MDGA2: variants seen among roughly 807,000 people sequenced by gnomAD.
The protein encoded by MDGA2 is MAM domain containing glycosylphosphatidylinositol anchor 2, also known as MAM domain-containing glycosylphosphatidylinositol anchor protein 2.
Under a neutral mutation model 117.8 loss-of-function variants are expected in MDGA2, and 40 were observed. That is an observed-to-expected ratio of 0.34 (90% CI 0.26 to 0.44). The LOEUF is 0.44. Ranked by LOEUF, MDGA2 falls within the 20% of genes least tolerant of loss-of-function variation. MDGA2 has a pLI of 1.00. For missense variants in MDGA2, 1,123 were observed against 1,250.6 expected, an observed-to-expected ratio of 0.90 and a Z score of 1.54; for synonymous variants, 452 against 439.0, an observed-to-expected ratio of 1.03 and a Z score of -0.37.
At chr14:47,646,725 C>A (rs1017127950) in intron 1 of MDGA2, among the ~76,000 whole-genome samples, 1 of 152,192 alleles carries the variant, frequency 6.6e-6, no homozygotes, top group South Asian at 2.1e-4. Flanking sequence ...CAACCCTTAG[C>A]GTAAAATATG....
chr14:47,097,480 C>T (rs1013136890), intron 5 of MDGA2, among the ~76,000 whole-genome samples: 1 of 151,832 alleles, frequency 6.6e-6, no homozygotes, highest in Non-Finnish European at 1.5e-5. Context: ...ATTCCCAGTA[C>T]AGATACTGCA....
chr14:46,867,448 C>T lies in MDGA2; in HGVS notation c.2752+5985G>A, dbSNP rs549321941. 2.5e-4 allele frequency among the ~76,000 whole-genome samples: 38 copies of T among 149,760 alleles called. No homozygotes were observed. The South Asian group carries it at 6.0e-3, about 24-fold the overall frequency. On this transcript the variant is annotated intron_variant, in intron 14 of 16. Coordinates refer to ENST00000399232, the MANE Select transcript of MDGA2 (RefSeq NM_001113498.3). Reference sequence around the variant, plus strand: ...GGGAGATATACCTAATGCTAGATGACGAGTTAGTGGGTGCAGCGCACCAGC... The same window carrying T: ...GGGAGATATACCTAATGCTAGATGATGAGTTAGTGGGTGCAGCGCACCAGC...
chr14:47,168,523 A>G (rs567298148), intron 3 of MDGA2, among the ~76,000 whole-genome samples: 1 of 152,140 alleles, frequency 6.6e-6, no homozygotes. Context: ...CTTTTCCCCT[A>G]ACTACCTGTC....
At chr14:47,424,251 G>A (rs768709911) in intron 1 of MDGA2, among the ~76,000 whole-genome samples, 11 of 152,026 alleles carry the variant, frequency 7.2e-5, no homozygotes, top group Admixed American at 2.0e-4. Flanking sequence ...AGAAACCGTC[G>A]TCTCTACAAA....
intron 1 of MDGA2, among the ~76,000 whole-genome samples, chr14:47,429,778 A>T (rs925548006): frequency 6.6e-6 from 1 of 151,860 alleles, no homozygotes; most frequent in Non-Finnish European, 1.5e-5. Context: ...GAGAAACAAG[A>T]TTTGTATTTT....
At chr14:47,503,979 T>C (rs571520173) in intron 1 of MDGA2, among the ~76,000 whole-genome samples, 19 of 152,290 alleles carry the variant, frequency 1.2e-4, no homozygotes, top group Admixed American at 2.6e-4. Flanking sequence ...GTACCAAAAA[T>C]AGATGTACAA....
chr14:47,494,327 C>G (rs1594885740), intron 1 of MDGA2, among the ~76,000 whole-genome samples: 1 of 152,118 alleles, frequency 6.6e-6, no homozygotes, highest in Non-Finnish European at 1.5e-5. Context: ...CTTAATCTTC[C>G]TGAAACTCAT....
intron 1 of MDGA2, among the ~76,000 whole-genome samples, chr14:47,527,998 T>C (rs185763713): frequency 1.1e-3 from 169 of 152,346 alleles, no homozygotes; most frequent in East Asian, 9.6e-4. Context: ...CAGAAAATGC[T>C]GGCAAGAGCA....
At chr14:47,174,260 A>G (rs1468251877) in intron 3 of MDGA2, among the ~76,000 whole-genome samples, 1 of 152,152 alleles carries the variant, frequency 6.6e-6, no homozygotes, top group Admixed American at 6.5e-5. Context: ...GTTAACAAGG[A>G]TACCCAGGAA....
At chr14:47,149,258 C>G (rs558685248) in intron 3 of MDGA2, among the ~76,000 whole-genome samples, 4 of 152,190 alleles carry the variant, frequency 2.6e-5, no homozygotes, top group African/African-American at 7.2e-5. Flanking sequence ...CCACTGCACT[C>G]CAACCTGGGG....
At position 47,214,001 on chromosome 14, in the gene MDGA2, G is replaced by C. The variant is rs1455262545; in HGVS notation, c.595+4020C>G. On this transcript the variant is annotated intron_variant, in intron 3 of 16. Transcript: ENST00000399232. Reference sequence around the variant, plus strand: ...GTAGCCAGCTTCTTCACAAGGAAAAGTACCGAGCGAAGAGGGGGGTAAAGA... The same window carrying C: ...GTAGCCAGCTTCTTCACAAGGAAAACTACCGAGCGAAGAGGGGGGTAAAGA... Among the ~76,000 whole-genome samples the C allele has an allele frequency of 2.6e-5, 4 of 152,142 alleles. No individual in the cohort carries two copies. In the East Asian group the frequency reaches 7.7e-4, roughly 29 times the overall value.
intron 8 of MDGA2, among the ~76,000 whole-genome samples, chr14:46,990,893 C>T (rs996943204): frequency 2.0e-5 from 3 of 146,460 alleles, no homozygotes; most frequent in African/African-American, 7.9e-5. Context: ...CACACACACA[C>T]ACACACACCC....
chr14:47,331,940 AT>A (rs1229393389), intron 1 of MDGA2, among the ~76,000 whole-genome samples: 1 of 152,030 alleles, frequency 6.6e-6, no homozygotes, highest in East Asian at 1.9e-4. Flanking sequence ...ACGTACGAAC[AT>A]TTTGGCATAA....
chr14:47,233,584 TC>T (rs1435457295), intron 2 of MDGA2, among the ~76,000 whole-genome samples: 2 of 152,078 alleles, frequency 1.3e-5, no homozygotes, highest in African/African-American at 4.8e-5. Flanking sequence ...GTAAGGTGGG[TC>T]ATTAAAGCAA....
rs539621607 is a variant in MDGA2 at position 47,646,658 on chromosome 14, A to G, written c.280+27859T>C. Among the ~76,000 whole-genome samples the G allele has an allele frequency of 7.2e-5, 11 of 152,336 alleles. No homozygotes were observed. In the South Asian group the frequency reaches 2.3e-3, roughly 32 times the overall value. ...AGAATGCATATGAAATACTTGCCCA[A>G]TCATGAGCATAATTTCTATGAATAA... On this transcript the variant is annotated intron_variant, in intron 1 of 16. Transcript: ENST00000399232.
At chr14:47,352,803 T>C (rs1191829135) in intron 1 of MDGA2, among the ~76,000 whole-genome samples, 1 of 152,234 alleles carries the variant, frequency 6.6e-6, no homozygotes, top group Non-Finnish European at 1.5e-5. Flanking sequence ...GGAGGGGACA[T>C]GCTTTACTTT....
At position 47,091,470 on chromosome 14, in the gene MDGA2, G is replaced by A. The variant is rs534592011; in HGVS notation, c.1195+5384C>T. Among the ~76,000 whole-genome samples the A allele has an allele frequency of 1.6e-4, 25 of 152,140 alleles. 1 individual carries two copies. The highest frequency in any genetic ancestry group is 5.3e-4 in the African/African-American group (22 of 41,526). On this transcript the variant is annotated intron_variant, in intron 6 of 16. Transcript: ENST00000399232. ...TTAGAGATATGCTATCTTAAGATAG[G>A]GGAATCAGAGAAGGTGTTTACTAGA... is the stretch of plus-strand genomic sequence containing the variant.
chr14:47,240,093 G>A (rs1886990293), intron 2 of MDGA2, among the ~76,000 whole-genome samples: 1 of 151,628 alleles, frequency 6.6e-6, no homozygotes, highest in African/African-American at 2.4e-5. Flanking sequence ...TGCCCAGGCT[G>A]GAGTGCAGTG....
chr14:47,611,097 A>G (rs575766094), intron 1 of MDGA2, among the ~76,000 whole-genome samples: 18 of 151,958 alleles, frequency 1.2e-4, no homozygotes, highest in African/African-American at 3.4e-4. Context: ...CAAAAAAAAC[A>G]TAAAGTGGAA....
Sources: gnomAD v4.1 joint callset for allele counts (sites outside exome capture counted in the v4.1 genomes callset) on GRCh38, gnomAD v4.1.1 for gene constraint, MANE v1.5 for transcripts, NCBI Gene and HGNC (gene_info 2026-07-23, HGNC 2026-07-21) for gene names.